The following MIA2 variants were observed in gnomAD, a reference collection of about 807,000 sequenced individuals.
MIA2 encodes the protein MIA SH3 domain ER export factor 2, also known as melanoma inhibitory activity protein 2.
Under a neutral mutation model 167.8 loss-of-function variants are expected in MIA2, and 127 were observed. That is an observed-to-expected ratio of 0.76 (90% CI 0.66 to 0.88). The LOEUF is 0.88. MIA2 is among the 40% of genes least tolerant of loss of function. The pLI, the probability that MIA2 is intolerant of heterozygous loss-of-function variation, is 0.00. For missense variants in MIA2, 1,690 were observed against 1,624.7 expected, an observed-to-expected ratio of 1.04 and a Z score of -0.69; for synonymous variants, 552 against 541.9, an observed-to-expected ratio of 1.02 and a Z score of -0.26.
chr14:39,372,678 T>C (rs1005084429), intron 23 of MIA2, among the ~76,000 whole-genome samples: 2 of 152,210 alleles, frequency 1.3e-5, no homozygotes, highest in Admixed American at 1.3e-4. Context: ...AAAACCTTTT[T>C]AATGAAAAAT....
At chr14:39,283,623 T>C (rs1002675587) in intron 9 of MIA2, among the ~76,000 whole-genome samples, 8 of 152,308 alleles carry the variant, frequency 5.3e-5, no homozygotes, top group South Asian at 2.1e-4. Context: ...TGGGGGTTTG[T>C]TGTAGAGGGT....
chr14:39,315,700 A>G lies in MIA2; in HGVS notation c.3198A>G (p.Lys1066=). ...TTTTTCAGATTATTTCCCATGAGAA[A>G]AAAGCACATGATAATTGGGTAAGTT... The part of the protein sequence containing the change: ...SYQGQIISHE[K]KAHDNWLAAR... The change falls in exon 21 of 29, where the codon AAA becomes AAG. Residue 1066 remains lysine (K), a synonymous_variant. Coordinates refer to ENST00000640607, the MANE Select transcript of MIA2 (RefSeq NM_001329214.4). 1.3e-6 allele frequency: 2 copies of G among 1,557,860 alleles called. No homozygotes were observed. The highest frequency in any genetic ancestry group is 1.2e-5 in the South Asian group (1 of 84,878).
intron 22 of MIA2, 79 bp downstream of exon 22, chr14:39,318,090 C>CG: frequency 1.9e-6 from 2 of 1,049,730 alleles, no homozygotes; most frequent in Non-Finnish European, 2.8e-6. Context: ...TAAGGTTAAG[C>CG]AAGAAAACTT....
intron 25 of MIA2, among the ~76,000 whole-genome samples, chr14:39,330,490 T>G (rs998045207): frequency 2.6e-5 from 4 of 152,288 alleles, no homozygotes; most frequent in East Asian, 1.9e-4. Flanking sequence ...AGTTATTTCT[T>G]GTCTTCTGCT....
chr14:39,289,263 C>G (rs1386169428), intron 9 of MIA2, among the ~76,000 whole-genome samples: 1 of 151,352 alleles, frequency 6.6e-6, no homozygotes, highest in Non-Finnish European at 1.5e-5. Context: ...CTATGTCACT[C>G]AGGCTGGAGT....
At chr14:39,238,938 T>C (rs990377341) in intron 2 of MIA2, among the ~76,000 whole-genome samples, 4 of 152,014 alleles carry the variant, frequency 2.6e-5, no homozygotes, top group African/African-American at 7.2e-5. Context: ...ATTAATACTT[T>C]CCATTGAAAA....
intron 16 of MIA2, 85 bp from the exon 17 acceptor site, chr14:39,304,206 G>A (rs561944829): frequency 1.9e-6 from 1 of 526,466 alleles, no homozygotes. Context: ...AGTGTTAGGG[G>A]GGTCATACTG....
At chr14:39,271,107 G>A (rs1444599351) in intron 6 of MIA2, among the ~76,000 whole-genome samples, 3 of 152,112 alleles carry the variant, frequency 2.0e-5, no homozygotes, top group Non-Finnish European at 2.9e-5. Flanking sequence ...GAAGTTCTTC[G>A]ATCCACTTTG....
At chr14:39,331,523 A>G (rs1219793626) in intron 25 of MIA2, among the ~76,000 whole-genome samples, 1 of 152,140 alleles carries the variant, frequency 6.6e-6, no homozygotes, top group Non-Finnish European at 1.5e-5. Flanking sequence ...TATTTTGCCC[A>G]TTAGTTGATG....
intron 23 of MIA2, among the ~76,000 whole-genome samples, chr14:39,371,997 T>C (rs1406966217): frequency 6.6e-6 from 1 of 152,128 alleles, no homozygotes; most frequent in African/African-American, 2.4e-5. Context: ...GCAAAAGTCT[T>C]AAGGATGGCT....
Position 39,247,757 on chromosome 14 carries a change from A to G in MIA2, c.1183A>G (p.Ile395Val), listed in dbSNP as rs1351243104. The change falls in exon 4 of 29, where the codon ATT (isoleucine) becomes GTT (valine). Residue 395 changes from isoleucine to valine, a missense_variant. Transcript: ENST00000640607. ...CTTTGCATATGCCAAGGAAGATAAAATTATGTTAGATGACAGGAAAAATGA... is the reference window on the plus strand; with the variant it reads ...CTTTGCATATGCCAAGGAAGATAAAGTTATGTTAGATGACAGGAAAAATGA... The part of the protein sequence containing the change: ...LGFAYAKEDK[I>V]MLDDRKNEED... The G allele has an allele frequency of 6.2e-7, 1 of 1,613,462 alleles. No individual in the cohort carries two copies. The highest frequency in any genetic ancestry group is 8.5e-7 in the Non-Finnish European group (1 of 1,179,930).
At chr14:39,328,396 T>G (rs2068018703) in intron 25 of MIA2, among the ~76,000 whole-genome samples, 1 of 152,178 alleles carries the variant, frequency 6.6e-6, no homozygotes, top group South Asian at 2.1e-4. Context: ...TTGCAAAAAT[T>G]TTCTCCCATT....
chr14:39,303,267 C>G (rs1251876109), intron 15 of MIA2, among the ~76,000 whole-genome samples: 2 of 152,010 alleles, frequency 1.3e-5, no homozygotes, highest in Non-Finnish European at 2.9e-5. Flanking sequence ...GCTGAAGAAC[C>G]TTGTTAAATG....
At chr14:39,266,167 G>A (rs1430796015) in intron 6 of MIA2, 6 of 985,284 alleles carry the variant, frequency 6.1e-6, no homozygotes, top group African/African-American at 1.7e-5. Context: ...ATTTGTTTAG[G>A]AGGAAGTATC....
At chr14:39,349,446 T>G (rs934734189) in intron 28 of MIA2, among the ~76,000 whole-genome samples, 3 of 152,232 alleles carry the variant, frequency 2.0e-5, no homozygotes, top group Non-Finnish European at 4.4e-5. Context: ...TTTTTGGATT[T>G]ATTGAATTCT....
At chr14:39,346,073 A>C in intron 26 of MIA2, 47 bp downstream of exon 26, 1 of 1,534,434 alleles carries the variant, frequency 6.5e-7, no homozygotes, top group East Asian at 2.3e-5. Flanking sequence ...TTGGTGGCAC[A>C]CTAAAGAACT....
At chr14:39,304,806 G>A (rs986832078) in intron 17 of MIA2, among the ~76,000 whole-genome samples, 2 of 152,060 alleles carry the variant, frequency 1.3e-5, no homozygotes, top group African/African-American at 2.4e-5. Context: ...TAGTACATAC[G>A]AGAGTGATGT....
At chr14:39,307,390 A>AT (rs373046158) in intron 17 of MIA2, among the ~76,000 whole-genome samples, 926 of 67,492 alleles carry the variant, frequency 0.014, 64 homozygotes, top group African/African-American at 0.036. Context: ...AGTTAAAAGA[A>AT]TTTTTTTTTT....
chr14:39,265,639 T>G lies in MIA2; in HGVS notation c.1888-11295T>G, dbSNP rs78977030. The G allele has an allele frequency of 2.2e-3, 911 of 419,326 alleles. 5 individuals carry two copies. Among genetic ancestry groups the G allele is most frequent in the Non-Finnish European group, 2.8e-3 (676 of 240,246 alleles). 26.0% of individuals were successfully genotyped at this position (419,326 alleles called of 1,614,324 possible). On this transcript the variant is annotated intron_variant, in intron 6 of 28. Coordinates refer to ENST00000640607, the MANE Select transcript of MIA2 (RefSeq NM_001329214.4). Reference sequence around the variant, plus strand: ...CTTAGGGAGGGCAAAGGGAGGTTTTTTTTTTGTTTTTGTTTTTTGAAAGTT... The same window carrying G: ...CTTAGGGAGGGCAAAGGGAGGTTTTGTTTTTGTTTTTGTTTTTTGAAAGTT...
Sources: allele counts gnomAD v4.1 joint callset (sites outside exome capture counted in the v4.1 genomes callset), GRCh38; gene constraint gnomAD v4.1.1; transcripts MANE v1.5; gene names NCBI Gene and HGNC (gene_info 2026-07-23, HGNC 2026-07-21).